The following EBF4 variants were observed in gnomAD, a reference collection of about 807,000 sequenced individuals.
The protein encoded by EBF4 is transcription factor COE4.
Under a neutral mutation model 67.1 loss-of-function variants are expected in EBF4, and 34 were observed. That is an observed-to-expected ratio of 0.51 (90% confidence interval 0.39 to 0.67). The LOEUF (loss-of-function observed/expected upper bound fraction) is 0.67, where lower values mean the gene tolerates loss of function less well. EBF4 is among the 30% of genes least tolerant of loss of function. The pLI is 0.00. For synonymous variants in EBF4, 387 were observed against 377.7 expected, an observed-to-expected ratio of 1.02 and a Z score of -0.29; for missense variants, 837 against 873.3, an observed-to-expected ratio of 0.96 and a Z score of 0.52.
intron 1 of EBF4, among the ~76,000 whole-genome samples, chr20:2,701,463 G>C (rs1437376934): frequency 2.0e-5 from 3 of 152,254 alleles, no homozygotes; most frequent in Non-Finnish European, 2.9e-5. Context: ...GCTTATGCCA[G>C]ACTTCCCAGG....
chr20:2,714,249 T>C (rs893575906), intron 6 of EBF4, among the ~76,000 whole-genome samples: 1 of 152,226 alleles, frequency 6.6e-6, no homozygotes, highest in African/African-American at 2.4e-5. Flanking sequence ...GAACTGTCTG[T>C]TCATATCCTG....
intron 6 of EBF4, among the ~76,000 whole-genome samples, chr20:2,712,544 T>G (rs1019914119): frequency 6.6e-6 from 1 of 152,224 alleles, no homozygotes; most frequent in African/African-American, 2.4e-5. Flanking sequence ...TTTGAGCATG[T>G]TATGTTTATG....
intron 1 of EBF4, among the ~76,000 whole-genome samples, chr20:2,697,651 C>G (rs2087315554): frequency 6.6e-6 from 1 of 152,136 alleles, no homozygotes; most frequent in Non-Finnish European, 1.5e-5. Flanking sequence ...GGGCTGCCCT[C>G]TCCCTACCAA....
At chr20:2,738,110 T>C (rs564078584) in intron 6 of EBF4, among the ~76,000 whole-genome samples, 1 of 152,288 alleles carries the variant, frequency 6.6e-6, no homozygotes, top group East Asian at 1.9e-4. Flanking sequence ...ATCTTCTGTC[T>C]GTTCTCTCTG....
At chr20:2,749,810 G>T in intron 9 of EBF4, 37 bp from the exon 10 acceptor site, 2 of 1,542,000 alleles carry the variant, frequency 1.3e-6, no homozygotes, top group Non-Finnish European at 1.8e-6. Flanking sequence ...TCCCCTCGCC[G>T]GTGCGGGACC....
exon 14 of EBF4, chr20:2,752,429 ACGG>A (rs1300678395): frequency 3.1e-6 from 4 of 1,297,848 alleles, no homozygotes; most frequent in African/African-American, 1.5e-5. Context: ...CAGAGCGGCT[ACGG>A]CGGCGGCCTC....
At chr20:2,734,072 T>A (rs919079328) in intron 6 of EBF4, among the ~76,000 whole-genome samples, 3 of 152,214 alleles carry the variant, frequency 2.0e-5, no homozygotes, top group Non-Finnish European at 2.9e-5. Flanking sequence ...TTAGACATAG[T>A]TTCCTTTAGT....
At chr20:2,736,743 TGAGA>T (rs2087882844) in intron 6 of EBF4, among the ~76,000 whole-genome samples, 1 of 152,050 alleles carries the variant, frequency 6.6e-6, no homozygotes, top group Non-Finnish European at 1.5e-5. Flanking sequence ...TGAGAGCATT[TGAGA>T]GAGGGAGAAG....
At chr20:2,700,140 A>G (rs2087352745) in intron 1 of EBF4, among the ~76,000 whole-genome samples, 2 of 152,138 alleles carry the variant, frequency 1.3e-5, no homozygotes, top group African/African-American at 2.4e-5. Flanking sequence ...TGAGGCACAC[A>G]TTCCATGCTG....
chr20:2,697,461 C>T (rs1035906858), intron 1 of EBF4, among the ~76,000 whole-genome samples: 3 of 151,652 alleles, frequency 2.0e-5, no homozygotes, highest in East Asian at 1.9e-4. Flanking sequence ...AGGAGAATGG[C>T]GTGAACCCGG....
At position 2,739,504 on chromosome 20, in the gene EBF4, C is replaced by G. The variant is rs898820274; in HGVS notation, c.558-9045C>G. On this transcript the variant is annotated intron_variant, in intron 6 of 16. Transcript: ENST00000609451. The surrounding 1 kb of genome is among the most constrained non-coding windows in gnomAD (Gnocchi z 4.5). ...CTGCCGTGCCCACCACTCTGTCTTC[C>G]TGAGTTTCTCTTTCCTGTTGGGTTG... 2.0e-5 allele frequency among the ~76,000 whole-genome samples: 3 copies of G among 152,204 alleles called. No homozygotes were observed. Among genetic ancestry groups the G allele is most frequent in the Non-Finnish European group, 2.9e-5 (2 of 68,044 alleles).
rs1395097753 is a variant in EBF4, at chr20:2,752,229, C to T, written c.1317C>T (p.Ile439=). The T allele has an allele frequency of 3.0e-6, 4 of 1,344,930 alleles. No homozygotes were observed. In the East Asian group the frequency reaches 1.3e-4, roughly 43 times the overall value. 83.3% of individuals were successfully genotyped at this position (1,344,930 alleles called of 1,614,324 possible). A position where few individuals can be genotyped will look rare whatever the true frequency, so the allele number is the denominator to read the frequency against. Residue 439 remains isoleucine (I), a synonymous_variant, in exon 13 of 17, where the codon ATC becomes ATT. Transcript: ENST00000609451. Reference sequence around the variant, plus strand: ...ACGCCTTCAGCAGCCCGCTGGCCATCGCCGTCGGGGACGCCACCCCGGGGC... The same window carrying T: ...ACGCCTTCAGCAGCCCGCTGGCCATTGCCGTCGGGGACGCCACCCCGGGGC...
chr20:2,693,587 C>G lies in EBF4; in HGVS notation c.-59C>G, dbSNP rs1024123473. 6 of 1,332,222 alleles carry G rather than the reference C, an allele frequency of 4.5e-6. No individual in the cohort carries two copies. Among genetic ancestry groups the G allele is most frequent in the Admixed American group, 4.1e-5 (1 of 24,634 alleles). The allele number at this position is 1,332,222 out of a possible 1,614,324, so 82.5% of individuals were successfully genotyped here. A position where few individuals can be genotyped will look rare whatever the true frequency, so the allele number is the denominator to read the frequency against. ...GTCGGGTCGGGCTGAGCTAGACGCC[C>G]GCAGCCTCAGCGGGACCGGATCCGG... On this transcript the variant is annotated 5_prime_UTR_variant, in exon 1 of 17. Coordinates refer to ENST00000609451, the Ensembl canonical transcript of EBF4. The surrounding 1 kb of genome is among the most constrained non-coding windows in gnomAD (Gnocchi z 4.6).
intron 14 of EBF4, among the ~76,000 whole-genome samples, 199 bp downstream of exon 14, chr20:2,752,744 A>AT (rs1481901582): frequency 6.6e-6 from 1 of 152,174 alleles, no homozygotes; most frequent in African/African-American, 2.4e-5. Flanking sequence ...TAGGCTGCAC[A>AT]TCCCGGGGTC....
intron 6 of EBF4, among the ~76,000 whole-genome samples, chr20:2,744,076 T>TTTA (rs1491229896): frequency 1.7e-5 from 1 of 60,046 alleles, no homozygotes; most frequent in African/African-American, 1.4e-4. Flanking sequence ...TTTTTATTTA[T>TTTA]TTTTTTTATT....
Position 2,755,833 on chromosome 20 carries a change from T to C in EBF4, c.1738+9T>C. The C allele has an allele frequency of 6.5e-7, 1 of 1,544,668 alleles. No homozygotes were observed. Among genetic ancestry groups the C allele is most frequent in the Non-Finnish European group, 8.7e-7 (1 of 1,146,386 alleles). On this transcript the variant is annotated intron_variant, in intron 15 of 16. Coordinates refer to ENST00000609451, the Ensembl canonical transcript of EBF4. The surrounding 1 kb of genome is among the most constrained non-coding windows in gnomAD (Gnocchi z 4.7). ...CGGAGAGGGGCTTCCAGGTGAGTGA[T>C]CCACCCTGCCTCACTGTGGCAGGAA... is the stretch of plus-strand genomic sequence containing the variant.
At position 2,701,173 on chromosome 20, in the gene EBF4, A is replaced by G. The variant is rs1026910125; in HGVS notation, c.138-4404A>G. On this transcript the variant is annotated intron_variant, in intron 1 of 16. Coordinates refer to ENST00000609451, the Ensembl canonical transcript of EBF4. ...CTCCATGGGTGGGTGTGAGCCTGGG[A>G]GGATGAGTGTGCCTCAGACCCACTG... 4.6e-5 allele frequency among the ~76,000 whole-genome samples: 7 copies of G among 152,148 alleles called. No homozygotes were observed. The East Asian group carries it at 1.3e-3, about 29-fold the overall frequency.
intron 6 of EBF4, among the ~76,000 whole-genome samples, chr20:2,722,557 C>T (rs1171146503): frequency 1.3e-5 from 2 of 152,176 alleles, no homozygotes; most frequent in African/African-American, 4.8e-5. Flanking sequence ...CTACCTTGGT[C>T]TCCCTGGACC....
intron 6 of EBF4, among the ~76,000 whole-genome samples, chr20:2,744,398 T>G (rs1290507211): frequency 1.3e-5 from 2 of 151,868 alleles, no homozygotes; most frequent in East Asian, 3.8e-4. Flanking sequence ...AGACATACAC[T>G]CCAGTGAAGC....
Sources: gnomAD v4.1 joint callset for allele counts (sites outside exome capture counted in the v4.1 genomes callset) on GRCh38, gnomAD v4.1.1 for gene constraint, Gnocchi (gnomAD v3.1) non-coding constraint, MANE v1.5 for transcripts, NCBI Gene and HGNC (gene_info 2026-07-23, HGNC 2026-07-21) for gene names.